Variants in ELFN1 observed in about 807,000 individuals in gnomAD.
ELFN1 encodes the protein protein ELFN1.
Under a neutral mutation model 7.6 loss-of-function variants are expected in ELFN1, and 6 were observed. The observed-to-expected ratio is 0.79, with a 90% CI of 0.43 to 1.56. ELFN1 has a LOEUF of 1.56. ELFN1 is among the 40% of genes most tolerant of loss of function. ELFN1 has a pLI of 0.01. For synonymous variants in ELFN1, 657 were observed against 588.1 expected, an observed-to-expected ratio of 1.12 and a Z score of -1.70; for missense variants, 1,169 against 1,232.2, an observed-to-expected ratio of 0.95 and a Z score of 0.77.
At chr7:1,716,167 TCACCCCAAGGTCCTGCC>T (rs1562373373) in intron 3 of ELFN1, among the ~76,000 whole-genome samples, 2 of 152,208 alleles carry the variant, frequency 1.3e-5, no homozygotes, top group African/African-American at 4.8e-5. Flanking sequence ...CATCCCCTGC[TCACCCCAAGGTCCTGCC>T]CACCCCAAGG....
intron 1 of ELFN1, among the ~76,000 whole-genome samples, chr7:1,676,452 C>A (rs913147322): frequency 6.6e-6 from 1 of 152,226 alleles, no homozygotes; most frequent in African/African-American, 2.4e-5. Context: ...CTTCCCGGAG[C>A]CTCGGCCTCT....
chr7:1,745,345 G>T lies in ELFN1; in HGVS notation c.749G>T (p.Cys250Phe). 1 of 1,539,910 alleles carries T rather than the reference G, an allele frequency of 6.5e-7. No homozygotes were observed. Residue 250 changes from cysteine to phenylalanine, a missense_variant, in exon 4 of 4, where the codon TGC becomes TTC. Cys to Phe is a radical substitution (Grantham distance 205). Around this residue, in one of 2 missense-constraint regions of ELFN1, gnomAD observed 914 missense variants for 872.6 expected, o/e 1.05. Transcript: ENST00000424383. ...ATCCTCAGCAAACTGCAGTCAGTCT[G>T]CACCGAGGACTCGTACGCGGCTGAG... ...RSILSKLQSV[C>F]TEDSYAAEVV...
chr7:1,746,180 T>A lies in ELFN1; in HGVS notation c.1584T>A (p.Val528=). Residue 528 remains valine (V), a synonymous_variant, in exon 4 of 4, where the codon GTT becomes GTA. Coordinates refer to ENST00000424383, the MANE Select transcript of ELFN1 (RefSeq NM_001128636.4). ...PKASKGSYME[V]RTGDPPERRD... ...CCAGCAAGGGCAGCTACATGGAGGTTCGAACCGGGGACCCTCCGGAACGCA... is the reference window on the plus strand; with the variant it reads ...CCAGCAAGGGCAGCTACATGGAGGTACGAACCGGGGACCCTCCGGAACGCA... The A allele has an allele frequency of 6.5e-7, 1 of 1,549,800 alleles. No individual in the cohort carries two copies. The highest frequency in any genetic ancestry group is 8.7e-7 in the Non-Finnish European group (1 of 1,147,016).
intron 3 of ELFN1, among the ~76,000 whole-genome samples, chr7:1,722,433 A>AT (rs920236742): frequency 2.6e-5 from 4 of 151,568 alleles, no homozygotes; most frequent in Non-Finnish European, 5.9e-5. Flanking sequence ...CGCCTGGCTA[A>AT]TTTTTTTATA....
At chr7:1,693,470 G>A (rs1185600612) in intron 2 of ELFN1, 1 of 471,236 alleles carries the variant, frequency 2.1e-6, no homozygotes, top group South Asian at 1.5e-5. Context: ...CACCCAGACA[G>A]GTGCGTGCCG....
rs780538635 is a variant in ELFN1 at position 1,746,315 on chromosome 7, C to T, written c.1719C>T (p.Ile573=). Residue 573 remains isoleucine (I), a synonymous_variant, in exon 4 of 4, where the codon ATC becomes ATT. Transcript: ENST00000424383. ...TCAACCAGATCATCAACAACTGCAT[C>T]GACGCGCTCAAGTCCGAGTCCACCT... ...DKVNQIINNC[I]DALKSESTSF... 49 of 1,576,862 alleles carry T rather than the reference C, an allele frequency of 3.1e-5. No homozygotes were observed. The highest frequency in any genetic ancestry group is 3.6e-5 in the Non-Finnish European group (42 of 1,162,580).
intron 2 of ELFN1, among the ~76,000 whole-genome samples, chr7:1,697,766 C>T (rs533855435): frequency 3.5e-4 from 54 of 152,276 alleles, no homozygotes; most frequent in South Asian, 2.1e-4. Context: ...GTCACCTGAA[C>T]AGATTTTTAA....
intron 2 of ELFN1, among the ~76,000 whole-genome samples, chr7:1,708,780 A>T (rs531311317): frequency 6.6e-6 from 1 of 152,162 alleles, no homozygotes; most frequent in African/African-American, 2.4e-5. Context: ...AAGTGACTAG[A>T]GCTGGAATTG....
At chr7:1,736,370 A>G (rs778893717) in intron 3 of ELFN1, among the ~76,000 whole-genome samples, 20 of 151,860 alleles carry the variant, frequency 1.3e-4, no homozygotes, top group Admixed American at 1.3e-4. Flanking sequence ...CCGGCCCCAC[A>G]CCAGCCCTGG....
At chr7:1,687,890 C>A (rs1291236629) in intron 1 of ELFN1, among the ~76,000 whole-genome samples, 168 bp from the exon 2 acceptor site, 1 of 151,614 alleles carries the variant, frequency 6.6e-6, no homozygotes, top group African/African-American at 2.4e-5. Context: ...TGTCTTTTTT[C>A]TTTTATTTGT....
At chr7:1,676,825 G>A (rs866196044) in intron 1 of ELFN1, among the ~76,000 whole-genome samples, 43 of 152,218 alleles carry the variant, frequency 2.8e-4, no homozygotes, top group African/African-American at 9.9e-4. Flanking sequence ...CTCCTGTGTC[G>A]GAGCTCTTGG....
At chr7:1,737,259 G>A (rs968925186) in intron 3 of ELFN1, among the ~76,000 whole-genome samples, 17 of 152,114 alleles carry the variant, frequency 1.1e-4, no homozygotes, top group Non-Finnish European at 2.2e-4. Context: ...TTCCCTGCAG[G>A]CCCCACGGTG....
chr7:1,716,434 C>T (rs1779833912), intron 3 of ELFN1, among the ~76,000 whole-genome samples: 1 of 152,226 alleles, frequency 6.6e-6, no homozygotes, highest in South Asian at 2.1e-4. Flanking sequence ...TCTTTCTCCC[C>T]CATCCTCCCT....
intron 3 of ELFN1, among the ~76,000 whole-genome samples, chr7:1,738,160 A>G (rs906087634): frequency 3.3e-5 from 5 of 152,066 alleles, no homozygotes; most frequent in African/African-American, 9.7e-5. Flanking sequence ...GGGGCTTCCC[A>G]CCCAGACCAC....
rs1439342264 is a variant in ELFN1, at chr7:1,670,916, GTCCA to G, written c.-549+563_-549+566del. Among the ~76,000 whole-genome samples the G allele has an allele frequency of 6.9e-6, 1 of 145,818 alleles. No homozygotes were observed. The highest frequency in any genetic ancestry group is 1.5e-5 in the Non-Finnish European group (1 of 66,094). ...CACATTCCTCGGTCCCAGCCCCTGA[GTCCA>G]ACCACTGGCGGGGGGGTGGGGTGGG... On this transcript the variant is annotated intron_variant, in intron 1 of 3. Coordinates refer to ENST00000424383, the MANE Select transcript of ELFN1 (RefSeq NM_001128636.4). This position sits in a 1 kb window ranked among gnomAD's most constrained non-coding sequence, Gnocchi z 6.4.
Position 1,706,424 on chromosome 7 carries a change from AAAAACAAAACAAAACAAAAC to A in ELFN1, c.-455-2640_-455-2621del, listed in dbSNP as rs57052038. Among the ~76,000 whole-genome samples the A allele has an allele frequency of 5.0e-3, 743 of 149,218 alleles. 5 individuals carry two copies. Among genetic ancestry groups the A allele is most frequent in the African/African-American group, 0.018 (703 of 39,944 alleles). On this transcript the variant is annotated intron_variant, in intron 2 of 3. Coordinates refer to ENST00000424383, the MANE Select transcript of ELFN1 (RefSeq NM_001128636.4). ...GCAACAGAGTGAGACTCTGTCTCAAAAAAACAAAACAAAACAAAACAAAACAAAACAAAACAAAACAAAAC... is the reference window on the plus strand; with the variant it reads ...GCAACAGAGTGAGACTCTGTCTCAAAAAAACAAAACAAAACAAAACAAAAC...
In ELFN1 at chr7:1,738,406, C is replaced by T. The variant is rs79214629; in HGVS notation, c.-293-5898C>T. Among the ~76,000 whole-genome samples, 416 of 152,242 alleles carry T rather than the reference C, an allele frequency of 2.7e-3. 18 individuals carry two copies. The East Asian group carries it at 0.076, about 28-fold the overall frequency. On this transcript the variant is annotated intron_variant, in intron 3 of 3. Coordinates refer to ENST00000424383, the MANE Select transcript of ELFN1 (RefSeq NM_001128636.4). The stretch of plus-strand genomic sequence containing the variant: ...CCCCTGCGGGCATGTCATATCTTTC[C>T]TGAGGGGGTAACAGGGAAGCATATG...
At chr7:1,714,608 G>T (rs1012727236) in intron 3 of ELFN1, among the ~76,000 whole-genome samples, 5 of 152,198 alleles carry the variant, frequency 3.3e-5, no homozygotes, top group Non-Finnish European at 7.3e-5. Context: ...GTAGCCCCGG[G>T]GGAGGCTCAG....
At chr7:1,707,901 G>T (rs1212944168) in intron 2 of ELFN1, among the ~76,000 whole-genome samples, 2 of 152,162 alleles carry the variant, frequency 1.3e-5, no homozygotes, top group Admixed American at 1.3e-4. Flanking sequence ...AGCTGTGGGA[G>T]CGGGGCACAG....
Sources: allele counts gnomAD v4.1 joint callset (sites outside exome capture counted in the v4.1 genomes callset), GRCh38; gene constraint gnomAD v4.1.1; regional missense constraint gnomAD v4.1.1; non-coding constraint Gnocchi (gnomAD v3.1); transcripts MANE v1.5; gene names NCBI Gene and HGNC (gene_info 2026-07-23, HGNC 2026-07-21).